Variants in PLXNA4 observed in about 807,000 individuals in gnomAD.
PLXNA4 encodes plexin-A4.
In PLXNA4, 44 loss-of-function variants were observed where a neutral mutation model predicts 191.8. The observed-to-expected ratio is 0.23, with a 90% CI of 0.18 to 0.29. The LOEUF is 0.29. PLXNA4 is among the 10% of genes least tolerant of loss of function. The pLI, the probability that PLXNA4 is intolerant of heterozygous loss-of-function variation, is 1.00. For synonymous variants in PLXNA4, 1,082 were observed against 1,009.5 expected, an observed-to-expected ratio of 1.07 and a Z score of -1.36; for missense variants, 1,800 against 2,488.8, an observed-to-expected ratio of 0.72 and a Z score of 5.89.
intron 3 of PLXNA4, among the ~76,000 whole-genome samples, chr7:132,341,365 T>C (rs1803020793): frequency 6.6e-6 from 1 of 152,200 alleles, no homozygotes; most frequent in Admixed American, 6.5e-5. Flanking sequence ...AGGCCGGCAA[T>C]TAACTATGAC....
intron 25 of PLXNA4, among the ~76,000 whole-genome samples, chr7:132,150,069 G>A (rs764149932): frequency 7.9e-5 from 12 of 152,162 alleles, no homozygotes; most frequent in Non-Finnish European, 1.3e-4. Context: ...GTGGTCAAAG[G>A]AATGAAAGCA....
At chr7:132,191,111 G>A (rs1797072502) in intron 14 of PLXNA4, among the ~76,000 whole-genome samples, 1 of 152,162 alleles carries the variant, frequency 6.6e-6, no homozygotes, top group Non-Finnish European at 1.5e-5. Flanking sequence ...GAATGGGGAA[G>A]CAGACAGAGG....
chr7:132,241,996 T>C (rs1220615886), intron 4 of PLXNA4, among the ~76,000 whole-genome samples: 1 of 152,250 alleles, frequency 6.6e-6, no homozygotes, highest in Non-Finnish European at 1.5e-5. Context: ...TTCTCCAATG[T>C]AGCTTTGCCT....
chr7:132,264,457 C>T (rs1562999734), intron 4 of PLXNA4, among the ~76,000 whole-genome samples: 1 of 151,524 alleles, frequency 6.6e-6, no homozygotes, highest in Non-Finnish European at 1.5e-5. Context: ...AGACCTCACT[C>T]TTTTTTTTTC....
chr7:132,579,832 A>G (rs1802369198), upstream of PLXNA4, among the ~76,000 whole-genome samples: 2 of 152,042 alleles, frequency 1.3e-5, no homozygotes, highest in African/African-American at 2.4e-5. Flanking sequence ...CAGTTATCAT[A>G]TTATCGGAAG....
At chr7:132,139,871 G>C (rs1257396000) in intron 30 of PLXNA4, among the ~76,000 whole-genome samples, 1 of 152,156 alleles carries the variant, frequency 6.6e-6, no homozygotes, top group African/African-American at 2.4e-5. Context: ...CCTAGTACAG[G>C]GCTTCTGTGA....
At chr7:132,505,900 C>T (rs1361747755) in intron 2 of PLXNA4, among the ~76,000 whole-genome samples, 1 of 152,182 alleles carries the variant, frequency 6.6e-6, no homozygotes, top group Non-Finnish European at 1.5e-5. Flanking sequence ...ACTACTGCCC[C>T]AAACAAAGGG....
At chr7:132,595,469 T>C (rs1802691626) in intron 2 of PLXNA4, among the ~76,000 whole-genome samples, 1 of 152,208 alleles carries the variant, frequency 6.6e-6, no homozygotes. Flanking sequence ...TCTGTGCGCA[T>C]AAGTTTTAAA....
chr7:132,541,273 A>C (rs1200394755), intron 1 of PLXNA4, among the ~76,000 whole-genome samples: 1 of 152,182 alleles, frequency 6.6e-6, no homozygotes, highest in Non-Finnish European at 1.5e-5. Context: ...CCCCCTCCCC[A>C]TAAGAGTAGC....
At chr7:132,148,283 C>T (rs552600838) in intron 26 of PLXNA4, among the ~76,000 whole-genome samples, 6 of 152,278 alleles carry the variant, frequency 3.9e-5, no homozygotes, top group East Asian at 1.9e-4. Flanking sequence ...CCTTAAATGC[C>T]CAGAGGAACT....
chr7:132,484,120 T>C (rs1797448502), intron 3 of PLXNA4, among the ~76,000 whole-genome samples: 2 of 152,228 alleles, frequency 1.3e-5, no homozygotes, highest in Non-Finnish European at 2.9e-5. Flanking sequence ...ATATAAAATA[T>C]GTCCAAGAGG....
chr7:132,390,084 T>G (rs1805336291), intron 3 of PLXNA4, among the ~76,000 whole-genome samples: 1 of 152,192 alleles, frequency 6.6e-6, no homozygotes, highest in Non-Finnish European at 1.5e-5. Flanking sequence ...CCCAAAGTAT[T>G]ATAAATAATT....
intron 3 of PLXNA4, among the ~76,000 whole-genome samples, chr7:132,311,303 C>T (rs529805639): frequency 6.6e-6 from 1 of 152,024 alleles, no homozygotes; most frequent in Non-Finnish European, 1.5e-5. Flanking sequence ...CAGAGTCTCC[C>T]GGTATGATTC....
intron 3 of PLXNA4, among the ~76,000 whole-genome samples, chr7:132,394,657 A>G (rs527670443): frequency 6.6e-6 from 1 of 152,340 alleles, no homozygotes; most frequent in Admixed American, 6.5e-5. Context: ...GTCACATCGC[A>G]CGCAACATGC....
chr7:132,389,649 G>A (rs569077318), intron 3 of PLXNA4, among the ~76,000 whole-genome samples: 10 of 152,146 alleles, frequency 6.6e-5, no homozygotes, highest in African/African-American at 1.7e-4. Context: ...GTACTGGTAC[G>A]ATGCTGTTTT....
At chr7:132,445,671 A>G (rs985585286) in intron 3 of PLXNA4, among the ~76,000 whole-genome samples, 2 of 152,202 alleles carry the variant, frequency 1.3e-5, no homozygotes, top group African/African-American at 4.8e-5. Context: ...CAACCAGACC[A>G]GTTGAAACAC....
At chr7:132,328,406 G>A (rs1344643762) in intron 3 of PLXNA4, among the ~76,000 whole-genome samples, 3 of 152,140 alleles carry the variant, frequency 2.0e-5, no homozygotes, top group Admixed American at 6.5e-5. Context: ...AGGCACATGG[G>A]CTTGGCGGAG....
intron 3 of PLXNA4, among the ~76,000 whole-genome samples, chr7:132,325,341 T>C (rs1224565723): frequency 1.3e-5 from 2 of 152,130 alleles, no homozygotes; most frequent in Non-Finnish European, 2.9e-5. Context: ...ATTTGAATAA[T>C]CAGGGCCCCT....
rs1028237476 is a variant in PLXNA4 at position 132,145,438 on chromosome 7, T to C, written c.5056-150A>G. 3.8e-6 allele frequency: 4 copies of C among 1,047,480 alleles called. No individual in the cohort carries two copies. The African/African-American group carries it at 6.6e-5, about 17-fold the overall frequency. 64.9% of individuals were successfully genotyped at this position (1,047,480 alleles called of 1,614,324 possible). ...TGGGTAAGTCCATGCATTAAATCAT[T>C]TTTTCCCATTTCATCTGTCTCTAAC... On this transcript the variant is annotated intron_variant, in intron 28 of 31. Transcript: ENST00000321063.
Sources: allele counts gnomAD v4.1 joint callset (sites outside exome capture counted in the v4.1 genomes callset), GRCh38; gene constraint gnomAD v4.1.1; transcripts MANE v1.5; gene names NCBI Gene and HGNC (gene_info 2026-07-23, HGNC 2026-07-21).